CDH18: variants seen among roughly 807,000 people sequenced by gnomAD.
CDH18 encodes the protein cadherin-18.
In CDH18, 31 loss-of-function variants were observed where a neutral mutation model predicts 67.9. That is an observed-to-expected ratio of 0.46 (90% CI 0.34 to 0.62). The LOEUF (loss-of-function observed/expected upper bound fraction) is 0.62, where lower values mean the gene tolerates loss of function less well. CDH18 is among the 20% of genes least tolerant of loss of function. The pLI is 0.01. For synonymous variants in CDH18, 362 were observed against 347.2 expected (o/e 1.04, Z -0.48); for missense variants, 890 against 975.5 (o/e 0.91, Z 1.17).
At chr5:20,335,711 T>C (rs536042710) in intron 1 of CDH18, among the ~76,000 whole-genome samples, 6 of 152,318 alleles carry the variant, frequency 3.9e-5, no homozygotes, top group African/African-American at 1.4e-4. Flanking sequence ...ACTGCTGTAT[T>C]TTCAGAACTG....
intron 2 of CDH18, among the ~76,000 whole-genome samples, chr5:20,015,103 T>C (rs945633112): frequency 3.9e-5 from 6 of 152,124 alleles, no homozygotes; most frequent in Admixed American, 2.6e-4. Context: ...GGGTTTTCTA[T>C]AGGGTTTCTA....
chr5:20,165,435 A>C (rs1009409048), intron 2 of CDH18, among the ~76,000 whole-genome samples: 3 of 152,130 alleles, frequency 2.0e-5, no homozygotes, highest in Non-Finnish European at 2.9e-5. Context: ...CTTAGCAAAA[A>C]GATTTCTGAC....
At chr5:19,759,763 A>G (rs1000043140) in intron 3 of CDH18, among the ~76,000 whole-genome samples, 1 of 152,010 alleles carries the variant, frequency 6.6e-6, no homozygotes, top group Non-Finnish European at 1.5e-5. Flanking sequence ...GAAGGAGGGG[A>G]AAAATATTCA....
At chr5:19,500,188 T>G (rs529468374) in intron 11 of CDH18, among the ~76,000 whole-genome samples, 4 of 152,208 alleles carry the variant, frequency 2.6e-5, no homozygotes, top group African/African-American at 9.6e-5. Context: ...TCCACTGTAT[T>G]TTCATTTTAA....
chr5:20,526,871 C>T (rs1052703067), intron 1 of CDH18, among the ~76,000 whole-genome samples: 24 of 152,164 alleles, frequency 1.6e-4, no homozygotes, highest in African/African-American at 5.5e-4. Flanking sequence ...CTCTTCTCCT[C>T]CAAATGATTG....
intron 3 of CDH18, among the ~76,000 whole-genome samples, chr5:19,811,015 T>C (rs1439552546): frequency 2.1e-5 from 3 of 141,926 alleles, no homozygotes; most frequent in African/African-American, 8.0e-5. Context: ...AGAAAAAGAC[T>C]CTGTCTCAAA....
intron 1 of CDH18, among the ~76,000 whole-genome samples, chr5:20,374,851 A>G (rs1238425909): frequency 6.6e-6 from 1 of 152,208 alleles, no homozygotes; most frequent in Non-Finnish European, 1.5e-5. Context: ...AATCAAATTT[A>G]TTTAAACACA....
At chr5:20,530,868 A>T (rs1756358559) in intron 1 of CDH18, among the ~76,000 whole-genome samples, 1 of 152,100 alleles carries the variant, frequency 6.6e-6, no homozygotes, top group Non-Finnish European at 1.5e-5. Flanking sequence ...AATTGCAACA[A>T]GAGTAAAAAT....
chr5:19,744,501 T>C (rs1236869108), intron 4 of CDH18, among the ~76,000 whole-genome samples: 1 of 94,090 alleles, frequency 1.1e-5, no homozygotes, highest in Non-Finnish European at 2.1e-5. Context: ...ATTAACTCAG[T>C]GTACACACAC....
In CDH18 at chr5:20,266,095, G is replaced by T. The variant is rs115873919; in HGVS notation, c.-579-10590C>A. Among the ~76,000 whole-genome samples the T allele has an allele frequency of 1.0e-3, 155 of 152,268 alleles. 1 individual carries two copies. Among genetic ancestry groups the T allele is most frequent in the African/African-American group, 3.6e-3 (149 of 41,566 alleles). ...GTGACTTACACCATTATCTCCCCTG[G>T]TTCTCAGGCTTCTGGGTTTATACCG... On this transcript the variant is annotated intron_variant, in intron 1 of 14. Coordinates refer to the CDH18 transcript ENST00000507958.
rs1356066085 is a variant in CDH18 at position 20,573,903 on chromosome 5, ATG to A, written c.-580+1557_-580+1558del. On this transcript the variant is annotated intron_variant, in intron 1 of 14. Coordinates refer to the CDH18 transcript ENST00000507958. ...TTATATATATAAAAGAAATATATAT[ATG>A]TATTTATATATATAAAAGAAATATA... 2.0e-3 allele frequency among the ~76,000 whole-genome samples: 245 copies of A among 121,272 alleles called. 4 individuals carry two copies. The highest frequency in any genetic ancestry group is 8.4e-3 in the African/African-American group (234 of 27,732). 79.6% of individuals were successfully genotyped at this position (121,272 alleles called of 152,430 possible).
intron 2 of CDH18, among the ~76,000 whole-genome samples, chr5:19,999,414 C>G (rs1477202550): frequency 6.6e-6 from 1 of 152,064 alleles, no homozygotes; most frequent in Admixed American, 6.5e-5. Flanking sequence ...ACCAGCCTGG[C>G]CAACATGGTG....
At chr5:20,477,712 G>A (rs1035967998) in intron 1 of CDH18, among the ~76,000 whole-genome samples, 2 of 152,148 alleles carry the variant, frequency 1.3e-5, no homozygotes, top group African/African-American at 2.4e-5. Flanking sequence ...AGGACAGAAG[G>A]ACTGCAATTG....
chr5:19,586,853 C>A (rs1744235501), intron 7 of CDH18, among the ~76,000 whole-genome samples: 1 of 152,142 alleles, frequency 6.6e-6, no homozygotes, highest in Non-Finnish European at 1.5e-5. Context: ...TTTTTCTCCA[C>A]AACCTCGTTA....
At chr5:19,847,881 A>G (rs1294025025) in intron 2 of CDH18, among the ~76,000 whole-genome samples, 1 of 152,032 alleles carries the variant, frequency 6.6e-6, no homozygotes, top group Non-Finnish European at 1.5e-5. Flanking sequence ...TCTGGTGTCT[A>G]TATGGTGTAC....
In CDH18 at chr5:19,820,614, C is replaced by A. The variant is rs182730407; in HGVS notation, c.228+18145G>T. ...GTGGACTAACCTTTGACTCAAGTAG[C>A]CCCTGTGAGAGAGTGCAGCCTGCCA... On this transcript the variant is annotated intron_variant, in intron 3 of 12. Transcript: ENST00000382275. Among the ~76,000 whole-genome samples the A allele has an allele frequency of 9.2e-5, 14 of 152,318 alleles. No homozygotes were observed. In the East Asian group the frequency reaches 2.5e-3, roughly 27 times the overall value.
At chr5:19,741,778 T>G (rs1202033043) in intron 4 of CDH18, among the ~76,000 whole-genome samples, 3 of 152,170 alleles carry the variant, frequency 2.0e-5, no homozygotes, top group African/African-American at 7.2e-5. Context: ...AGTTCTTAAC[T>G]GACAGCATTT....
intron 2 of CDH18, among the ~76,000 whole-genome samples, chr5:20,011,902 T>C (rs1444500826): frequency 1.3e-5 from 2 of 152,120 alleles, no homozygotes; most frequent in Non-Finnish European, 2.9e-5. Flanking sequence ...AGTTTTCTTT[T>C]CTGTGTTGTA....
intron 1 of CDH18, among the ~76,000 whole-genome samples, chr5:20,569,281 A>G (rs1188513952): frequency 6.6e-6 from 1 of 152,188 alleles, no homozygotes; most frequent in Non-Finnish European, 1.5e-5. Context: ...TTTCAAAATC[A>G]TTTATATAGC....
Sources: gnomAD v4.1 joint callset for allele counts (sites outside exome capture counted in the v4.1 genomes callset) on GRCh38, gnomAD v4.1.1 for gene constraint, MANE v1.5 for transcripts, NCBI Gene and HGNC (gene_info 2026-07-23, HGNC 2026-07-21) for gene names.